UCK1: variants seen among roughly 807,000 people sequenced by gnomAD.
The protein encoded by UCK1 is cytidine monophosphokinase 1.
Under a neutral mutation model 34.0 loss-of-function variants are expected in UCK1, and 20 were observed. The observed-to-expected ratio is 0.59, with a 90% CI of 0.41 to 0.86. UCK1 has a LOEUF of 0.86. UCK1 is among the 40% of genes least tolerant of loss of function. The pLI is 0.00. For missense variants in UCK1, 343 were observed against 383.6 expected, an observed-to-expected ratio of 0.89 and a Z score of 0.88; for synonymous variants, 168 against 155.9, an observed-to-expected ratio of 1.08 and a Z score of -0.58.
intron 5 of UCK1, among the ~76,000 whole-genome samples, chr9:131,528,128 C>T (rs1287955801): frequency 2.7e-5 from 4 of 150,822 alleles, no homozygotes; most frequent in African/African-American, 4.9e-5. Flanking sequence ...GAGCCGAGAT[C>T]GTGCCATTGC....
At chr9:131,527,967 A>G (rs1441768656) in intron 5 of UCK1, among the ~76,000 whole-genome samples, 1 of 152,256 alleles carries the variant, frequency 6.6e-6, no homozygotes, top group Admixed American at 6.5e-5. Context: ...TGAGTCCAGG[A>G]GTTCGAGACC....
intron 5 of UCK1, chr9:131,526,582 G>A: frequency 1.6e-6 from 2 of 1,228,070 alleles, no homozygotes; most frequent in South Asian, 1.3e-5. Context: ...GATGGTGGGG[G>A]TTGGGGGGTG....
At position 131,525,932 on chromosome 9, in the gene UCK1, T is replaced by C. The variant is rs1369060977; in HGVS notation, c.649A>G (p.Met217Val). Reference protein sequence around the residue: ...DVIIPRGVDNMVAINLIVQHI... With the variant: ...DVIIPRGVDNVVAINLIVQHI... ...GCCCAGCAGGCCAGCTTCTTACCCA[T>C]ATTGTCCACTCCTCGCGGGATGATC... is the stretch of plus-strand genomic sequence containing the variant. Residue 217 changes from methionine to valine, a missense_variant, in exon 6 of 7, where the codon ATG becomes GTG. Transcript: ENST00000372215. The C allele has an allele frequency of 6.2e-7, 1 of 1,613,760 alleles. No homozygotes were observed. Among genetic ancestry groups the C allele is most frequent in the Non-Finnish European group, 8.5e-7 (1 of 1,179,916 alleles).
At chr9:131,525,898 G>C (rs376434628) in intron 6 of UCK1, 31 bp downstream of exon 6, 2 of 1,608,620 alleles carry the variant, frequency 1.2e-6, no homozygotes, top group Non-Finnish European at 1.7e-6. Context: ...TGGGAGGGGC[G>C]GGGGGACAGC....
rs7041225 is a variant in UCK1 at position 131,531,263 on chromosome 9, C to T, written c.-89G>A. 936,034 of 1,173,326 alleles carry T rather than the reference C, an allele frequency of 0.8. 376,110 individuals are homozygous for T. Among genetic ancestry groups the T allele is most frequent in the East Asian group, 0.92 (28,063 of 30,438 alleles). The allele number at this position is 1,173,326 out of a possible 1,614,324, so 72.7% of individuals were successfully genotyped here. On this transcript the variant is annotated 5_prime_UTR_variant, in exon 1 of 7. Coordinates refer to ENST00000372215, the MANE Select transcript of UCK1 (RefSeq NM_031432.5). The stretch of plus-strand genomic sequence containing the variant: ...GCCCAGCGCCGAGGTCGGAGGCAAC[C>T]GGAGCGATCACTTCCGGGAGGCGCG...
chr9:131,530,435 G>A, intron 2 of UCK1, 51 bp downstream of exon 2: 1 of 1,603,036 alleles, frequency 6.2e-7, no homozygotes, highest in Non-Finnish European at 8.5e-7. Flanking sequence ...CTGGTTAGCG[G>A]CCGCCCAGAA....
At position 131,525,352 on chromosome 9, in the gene UCK1, T is replaced by C; in HGVS notation, c.653-131A>G. 4 of 1,043,510 alleles carry C rather than the reference T, an allele frequency of 3.8e-6. No homozygotes were observed. In the South Asian group the frequency reaches 4.2e-5, roughly 11 times the overall value. 64.6% of individuals were successfully genotyped at this position (1,043,510 alleles called of 1,614,324 possible). ...GAGGCACAGCCTGCGGCGAGGGGCATCGAGTCAAATCTCAGCAGACAGAAA... is the reference window on the plus strand; with the variant it reads ...GAGGCACAGCCTGCGGCGAGGGGCACCGAGTCAAATCTCAGCAGACAGAAA... On this transcript the variant is annotated intron_variant, in intron 6 of 6. Transcript: ENST00000372215.
intron 5 of UCK1, among the ~76,000 whole-genome samples, chr9:131,526,739 G>A (rs1418522570): frequency 1.3e-5 from 2 of 152,236 alleles, no homozygotes; most frequent in Admixed American, 6.5e-5. Context: ...GGCGGCAGAA[G>A]AGACAAGCTG....
Position 131,525,104 on chromosome 9 carries a change from T to TC in UCK1, c.769dup (p.Asp257GlyfsTer41), listed in dbSNP as rs1322865034. 2 of 1,613,548 alleles carry TC rather than the reference T, an allele frequency of 1.2e-6. No individual in the cohort carries two copies. Among genetic ancestry groups the TC allele is most frequent in the East Asian group, 4.5e-5 (2 of 44,882 alleles). On this transcript the variant is annotated frameshift_variant, in exon 7 of 7. Transcript: ENST00000372215. LOFTEE classifies it high-confidence loss of function. The stretch of plus-strand genomic sequence containing the variant: ...GCCAGAGGTCAGCATCCCAGGGTGG[T>TC]CCCCTGGCTCAGAAAAGGTCCGCTT...
In UCK1 at chr9:131,531,107, G is replaced by T; in HGVS notation, c.68C>A (p.Pro23His). 6.9e-7 allele frequency: 1 copy of T among 1,450,408 alleles called. No individual in the cohort carries two copies. Among genetic ancestry groups the T allele is most frequent in the Admixed American group, 2.7e-5 (1 of 37,488 alleles). 89.8% of individuals were successfully genotyped at this position (1,450,408 alleles called of 1,614,324 possible). A position where few individuals can be genotyped will look rare whatever the true frequency, so the allele number is the denominator to read the frequency against. Residue 23 changes from proline (P) to histidine (H), a missense_variant, in exon 1 of 7, where the codon CCC (proline) becomes CAC (histidine). By Grantham distance (77) the Pro-to-His change is moderately conservative (BLOSUM62 -2). Coordinates refer to ENST00000372215, the MANE Select transcript of UCK1 (RefSeq NM_031432.5). ...GCCGCCGCTCACCCCTATCAGGAAG[G>T]GCCGCTGGTGCGGACGGTCGGCCTC... ...APEADRPHQR[P>H]FLIGVSGGTA...
At chr9:131,530,679 C>T in intron 1 of UCK1, 34 bp from the exon 2 acceptor site, 1 of 1,614,204 alleles carries the variant, frequency 6.2e-7, no homozygotes, top group Non-Finnish European at 8.5e-7. Context: ...CCGCCTGGAA[C>T]CGCTCGTCCT....
intron 2 of UCK1, 78 bp from the exon 3 acceptor site, chr9:131,529,662 G>T: frequency 7.3e-7 from 1 of 1,366,022 alleles, no homozygotes; most frequent in Non-Finnish European, 1.0e-6. Context: ...CTGCTCTGGG[G>T]TCAGCACAGC....
rs921117682 is a variant in UCK1, at chr9:131,523,953, G to C, written c.*1087C>G. 2 of 152,284 alleles carry C rather than the reference G, an allele frequency of 1.3e-5. No individual in the cohort carries two copies. Among genetic ancestry groups the C allele is most frequent in the African/African-American group, 4.8e-5 (2 of 41,444 alleles). 9.4% of individuals were successfully genotyped at this position (152,284 alleles called of 1,614,324 possible). A position where few individuals can be genotyped will look rare whatever the true frequency, so the allele number is the denominator to read the frequency against. ...TACTGTGGGTGAGCCTGGACGGACG[G>C]GGGCTGGGGCTGCCCATGGCAGCGG... On this transcript the variant is annotated 3_prime_UTR_variant, in exon 7 of 7. Transcript: ENST00000372215.
At chr9:131,528,825 T>C in intron 5 of UCK1, 119 bp downstream of exon 5, 2 of 1,291,620 alleles carry the variant, frequency 1.5e-6, no homozygotes, top group Middle Eastern at 1.9e-4. Flanking sequence ...ATGAGCCAAA[T>C]TCTTCTCCTT....
At position 131,529,270 on chromosome 9, in the gene UCK1, C is replaced by G. The variant is rs1950736143; in HGVS notation, c.366G>C (p.Arg122Ser). ...GGTAGACCACCGTGGTCTCTGGTAA[C>G]CTGAGGGGCGCACGGGGAAAGGGGC... Reference protein sequence around the residue: ...VPTYDFVTHSRLPETTVVYPA... With the variant: ...VPTYDFVTHSSLPETTVVYPA... The change falls in exon 4 of 7, where the codon AGG becomes AGC. Residue 122 changes from arginine to serine, a missense_variant and splice_region_variant. Transcript: ENST00000372215. The G allele has an allele frequency of 6.2e-7, 1 of 1,614,108 alleles. No homozygotes were observed. The highest frequency in any genetic ancestry group is 8.5e-7 in the Non-Finnish European group (1 of 1,180,004).
chr9:131,530,097 G>A (rs1453986567), intron 2 of UCK1, among the ~76,000 whole-genome samples: 1 of 152,188 alleles, frequency 6.6e-6, no homozygotes, highest in Non-Finnish European at 1.5e-5. Flanking sequence ...CTCCCACACT[G>A]GCCTCTCTGA....
chr9:131,528,904 G>T (rs1331299660), intron 5 of UCK1, 40 bp downstream of exon 5: 1 of 1,609,198 alleles, frequency 6.2e-7, no homozygotes, highest in South Asian at 1.1e-5. Context: ...GTGTCCTTGT[G>T]AAAGGGGAAA....
At chr9:131,529,377 G>T (rs576219356) in intron 3 of UCK1, 107 bp from the exon 4 acceptor site, 2 of 1,600,212 alleles carry the variant, frequency 1.2e-6, no homozygotes, top group African/African-American at 2.7e-5. Flanking sequence ...AGGGGTGGGG[G>T]ACCCACAGAA....
Position 131,529,351 on chromosome 9 carries a change from G to A in UCK1, c.366-81C>T, listed in dbSNP as rs1490379202. The A allele has an allele frequency of 5.0e-6, 8 of 1,604,410 alleles. No individual in the cohort carries two copies. In the East Asian group the frequency reaches 6.7e-5, roughly 13 times the overall value. ...ACACACAGTCAGCTTCCATTGCAGG[G>A]ACACTGACTGTGGGAAGGGGTGGGG... On this transcript the variant is annotated intron_variant, in intron 3 of 6. Transcript: ENST00000372215.
Sources: gnomAD v4.1 joint callset for allele counts (sites outside exome capture counted in the v4.1 genomes callset) on GRCh38, gnomAD v4.1.1 for gene constraint, MANE v1.5 for transcripts, NCBI Gene and HGNC (gene_info 2026-07-23, HGNC 2026-07-21) for gene names.